Variants in ZFHX3 observed in about 807,000 individuals in gnomAD.
ZFHX3 encodes zinc finger homeobox protein 3.
ZFHX3 carries 42 observed loss-of-function variants against 279.1 expected under a neutral mutation model. That is an observed-to-expected ratio of 0.15 (90% CI 0.12 to 0.19). The LOEUF (loss-of-function observed/expected upper bound fraction) is 0.19, where lower values mean the gene tolerates loss of function less well. Among genes scored for constraint, ZFHX3 ranks in the 10% least tolerant of loss-of-function variants. ZFHX3 has a pLI of 1.00. For synonymous variants in ZFHX3, 2,293 were observed against 1,957.8 expected (o/e 1.17, Z -4.52); for missense variants, 4,981 against 4,754.0 (o/e 1.05, Z -1.40).
At position 72,787,737 on chromosome 16, in the gene ZFHX3, ACTGCCACCG is replaced by A. The variant is rs2035486202; in HGVS notation, c.10530_10538del (p.Ser3513_Gly3515del). 2.9e-6 allele frequency: 4 copies of A among 1,390,144 alleles called. 1 individual carries two copies. The highest frequency in any genetic ancestry group is 4.1e-5 in the South Asian group (2 of 48,766). 86.1% of individuals were successfully genotyped at this position (1,390,144 alleles called of 1,614,324 possible). A position where few individuals can be genotyped will look rare whatever the true frequency, so the allele number is the denominator to read the frequency against. On this transcript the variant is annotated inframe_deletion, in exon 10 of 10. Coordinates refer to ENST00000268489, the MANE Select transcript of ZFHX3 (RefSeq NM_006885.4). ...CGCCGCCACCGCCGCCGCCGCCGCC[ACTGCCACCG>A]CCGCCGCCGCCGGTGGGGACGTGAA...
chr16:73,118,381 G>A (rs60748808), intron 7 of ZFHX3, among the ~76,000 whole-genome samples: 233 of 151,936 alleles, frequency 1.5e-3, no homozygotes, highest in African/African-American at 5.5e-3. Context: ...CCTAATTTTT[G>A]TATTTTTAGT....
At chr16:72,984,696 C>T (rs16971472) in intron 1 of ZFHX3, among the ~76,000 whole-genome samples, 2,723 of 151,756 alleles carry the variant, frequency 0.018, 45 homozygotes, top group Non-Finnish European at 0.027. Flanking sequence ...AGGTCAATGT[C>T]CCTTAGGTTG....
chr16:73,850,774 G>T (rs953251186), intron 1 of ZFHX3, among the ~76,000 whole-genome samples: 14 of 150,670 alleles, frequency 9.3e-5, no homozygotes, highest in African/African-American at 2.9e-4. Context: ...AGCTCTCTTC[G>T]CCCAAAGCCA....
chr16:73,286,323 G>A (rs944580567), intron 4 of ZFHX3, among the ~76,000 whole-genome samples: 1 of 152,198 alleles, frequency 6.6e-6, no homozygotes, highest in African/African-American at 2.4e-5. Context: ...ATCAAGCAAA[G>A]TAACCTTGTG....
intron 3 of ZFHX3, among the ~76,000 whole-genome samples, chr16:73,374,628 C>G (rs181643798): frequency 2.8e-4 from 43 of 152,286 alleles, no homozygotes; most frequent in Admixed American, 1.1e-3. Context: ...ATTTTTGAAG[C>G]CTGAATTAGG....
intron 3 of ZFHX3, among the ~76,000 whole-genome samples, chr16:72,940,762 A>T (rs1476798049): frequency 1.3e-5 from 2 of 152,274 alleles, no homozygotes; most frequent in Admixed American, 1.3e-4. Flanking sequence ...TCTCATCCTG[A>T]GTCCGGGAAC....
At chr16:73,433,886 C>T (rs942516011) in intron 3 of ZFHX3, among the ~76,000 whole-genome samples, 17 of 152,238 alleles carry the variant, frequency 1.1e-4, no homozygotes, top group Middle Eastern at 3.4e-3. Flanking sequence ...CCAGAGAGGA[C>T]GAGGCTGCAC....
chr16:73,589,132 C>T (rs1425091180), intron 2 of ZFHX3, among the ~76,000 whole-genome samples: 5 of 151,070 alleles, frequency 3.3e-5, no homozygotes, highest in Admixed American at 1.3e-4. Context: ...TGGTGATGCA[C>T]GCCTGTAATC....
intron 3 of ZFHX3, among the ~76,000 whole-genome samples, chr16:72,915,872 T>A (rs2039429720): frequency 6.6e-6 from 1 of 152,270 alleles, no homozygotes; most frequent in Admixed American, 6.5e-5. Flanking sequence ...GCTTACTATG[T>A]GCCAGGCACA....
chr16:72,840,018 TAGAG>T lies in ZFHX3; in HGVS notation c.3449-10163_3449-10160del, dbSNP rs1280051816. Among the ~76,000 whole-genome samples the T allele has an allele frequency of 2.0e-5, 3 of 151,986 alleles. No individual in the cohort carries two copies. The East Asian group carries it at 5.8e-4, about 29-fold the overall frequency. On this transcript the variant is annotated intron_variant, in intron 4 of 9. Coordinates refer to ENST00000268489, the MANE Select transcript of ZFHX3 (RefSeq NM_006885.4). ...AAGACAGATAAACACACATGAGTGA[TAGAG>T]AGTAAATTAAAAAATTTAACAGTTT...
At chr16:73,106,635 T>C (rs1597158875) in intron 7 of ZFHX3, among the ~76,000 whole-genome samples, 3 of 152,294 alleles carry the variant, frequency 2.0e-5, no homozygotes, top group Admixed American at 2.0e-4. Context: ...AGAGAGGCTG[T>C]TGTAATTCTG....
chr16:73,732,723 C>G (rs1455475885), intron 1 of ZFHX3, among the ~76,000 whole-genome samples: 1 of 152,190 alleles, frequency 6.6e-6, no homozygotes, highest in Non-Finnish European at 1.5e-5. Context: ...ACTTATGCCT[C>G]TCTTTAAAGG....
At chr16:73,407,067 T>C (rs1350840746) in intron 3 of ZFHX3, among the ~76,000 whole-genome samples, 2 of 152,180 alleles carry the variant, frequency 1.3e-5, no homozygotes, top group Non-Finnish European at 2.9e-5. Context: ...AGGGCGTATT[T>C]GGCAATGTTT....
intron 5 of ZFHX3, among the ~76,000 whole-genome samples, chr16:73,151,692 G>A (rs373795495): frequency 1.3e-5 from 2 of 152,168 alleles, no homozygotes; most frequent in East Asian, 1.9e-4. Flanking sequence ...GAGGTCTGAC[G>A]AAGTAGAGTT....
At chr16:73,881,654 T>C (rs1479270699) in intron 1 of ZFHX3, among the ~76,000 whole-genome samples, 1 of 151,876 alleles carries the variant, frequency 6.6e-6, no homozygotes, top group African/African-American at 2.4e-5. Flanking sequence ...TTTGCTAGGG[T>C]TCCCACTACT....
At chr16:73,064,213 A>G (rs536181139), upstream of ZFHX3, among the ~76,000 whole-genome samples, 2 of 152,128 alleles carry the variant, frequency 1.3e-5, no homozygotes, top group South Asian at 4.2e-4. Flanking sequence ...TGAGAAGATA[A>G]GGAGATGAGC....
intron 1 of ZFHX3, among the ~76,000 whole-genome samples, chr16:73,017,900 C>T (rs1345049377): frequency 6.6e-6 from 1 of 152,184 alleles, no homozygotes; most frequent in Non-Finnish European, 1.5e-5. Context: ...CCCACTTTTA[C>T]TCTCTCCTCT....
chr16:73,037,738 C>T (rs8053389), intron 1 of ZFHX3, among the ~76,000 whole-genome samples: 7,729 of 152,174 alleles, frequency 0.051, 283 homozygotes, highest in African/African-American at 0.1. Context: ...GAAATATGAA[C>T]AGCCCTTCGT....
At chr16:73,760,291 A>C (rs1322510161) in intron 1 of ZFHX3, among the ~76,000 whole-genome samples, 1 of 152,216 alleles carries the variant, frequency 6.6e-6, no homozygotes, top group Non-Finnish European at 1.5e-5. Context: ...TTGAGGCAGT[A>C]ATAAATCGCC....
Sources: gnomAD v4.1 joint callset for allele counts (sites outside exome capture counted in the v4.1 genomes callset) on GRCh38, gnomAD v4.1.1 for gene constraint, MANE v1.5 for transcripts, NCBI Gene and HGNC (gene_info 2026-07-23, HGNC 2026-07-21) for gene names.